The following STAG1 variants were observed in gnomAD, a reference collection of about 807,000 sequenced individuals.
STAG1 encodes STAG1 cohesin complex component.
STAG1 carries 26 observed loss-of-function variants against 170.9 expected under a neutral mutation model. That is an observed-to-expected ratio of 0.15 (90% CI 0.11 to 0.21). STAG1 has a LOEUF of 0.21. Among genes scored for constraint, STAG1 ranks in the 10% least tolerant of loss-of-function variants. The probability of loss-of-function intolerance (pLI) is 1.00; values close to 1 mark genes in which losing one functional copy is unlikely to be tolerated. For synonymous variants in STAG1, 514 were observed against 497.7 expected (o/e 1.03, Z -0.44); for missense variants, 964 against 1,509.5 (o/e 0.64, Z 5.99).
intron 1 of STAG1, among the ~76,000 whole-genome samples, chr3:136,740,096 T>G (rs1419927936): frequency 6.6e-6 from 1 of 151,570 alleles, no homozygotes; most frequent in African/African-American, 2.4e-5. Flanking sequence ...AATAACAGTT[T>G]AAAGAATTTT....
At chr3:136,343,772 TTAAA>T (rs1560045635) in intron 30 of STAG1, 56 bp downstream of exon 30, 2 of 1,382,322 alleles carry the variant, frequency 1.4e-6, no homozygotes, top group Non-Finnish European at 9.7e-7. Context: ...AAAGTTTTTC[TTAAA>T]TAGTTTTACT....
chr3:136,465,586 A>AAAAG (rs58484192), intron 12 of STAG1, among the ~76,000 whole-genome samples: 2 of 137,116 alleles, frequency 1.5e-5, no homozygotes, highest in African/African-American at 5.2e-5. Flanking sequence ...AAAAAAAAAA[A>AAAAG]GGGAAAAGGA....
At chr3:136,378,438 A>C (rs1487086981) in intron 22 of STAG1, among the ~76,000 whole-genome samples, 1 of 152,214 alleles carries the variant, frequency 6.6e-6, no homozygotes, top group African/African-American at 2.4e-5. Context: ...CATGCCTGCA[A>C]TCCCAGTGCT....
chr3:136,353,109 G>A (rs1936498309), intron 28 of STAG1, among the ~76,000 whole-genome samples: 3 of 152,074 alleles, frequency 2.0e-5, no homozygotes, highest in Admixed American at 2.0e-4. Context: ...GTAGATTTGA[G>A]CTGACAAAAG....
At chr3:136,472,637 TCCTACTCAC>T in intron 11 of STAG1, 145 bp from the exon 12 acceptor site, 1 of 541,486 alleles carries the variant, frequency 1.8e-6, no homozygotes, top group East Asian at 2.9e-5. Flanking sequence ...AGTATTGTAG[TCCTACTCAC>T]ACAAAGGGGA....
At chr3:136,723,973 G>GGAGGT (rs780773895) in intron 1 of STAG1, among the ~76,000 whole-genome samples, 8 of 150,460 alleles carry the variant, frequency 5.3e-5, no homozygotes, top group African/African-American at 1.2e-4. Context: ...CGACCAGGAG[G>GGAGGT]GAGGTGGGGG....
chr3:136,361,751 C>T (rs967361927), intron 26 of STAG1, among the ~76,000 whole-genome samples: 10 of 152,160 alleles, frequency 6.6e-5, no homozygotes, highest in Admixed American at 4.6e-4. Context: ...GCTGGGACTA[C>T]GGGGTGCGTG....
intron 12 of STAG1, among the ~76,000 whole-genome samples, chr3:136,471,244 G>T (rs973401703): frequency 2.0e-5 from 3 of 151,888 alleles, no homozygotes; most frequent in Non-Finnish European, 4.4e-5. Flanking sequence ...AAAAAGATGA[G>T]AATTCCAGCA....
At chr3:136,463,711 C>T (rs1315287951) in intron 13 of STAG1, among the ~76,000 whole-genome samples, 1 of 127,928 alleles carries the variant, frequency 7.8e-6, no homozygotes, top group African/African-American at 3.5e-5. Flanking sequence ...GACCCCATCT[C>T]TCTAAAAAAA....
At chr3:136,344,646 C>A (rs1240792911) in intron 29 of STAG1, among the ~76,000 whole-genome samples, 1 of 152,212 alleles carries the variant, frequency 6.6e-6, no homozygotes, top group Admixed American at 6.5e-5. Flanking sequence ...CGGAGTCTCA[C>A]TCTGTCGCCC....
intron 6 of STAG1, among the ~76,000 whole-genome samples, chr3:136,526,703 T>C (rs911874569): frequency 6.6e-6 from 1 of 152,232 alleles, no homozygotes; most frequent in Non-Finnish European, 1.5e-5. Flanking sequence ...GTCTTTACAA[T>C]TTGGCATGTT....
intron 23 of STAG1, among the ~76,000 whole-genome samples, chr3:136,370,610 G>A (rs1039504617): frequency 2.0e-5 from 3 of 152,124 alleles, no homozygotes; most frequent in African/African-American, 7.2e-5. Flanking sequence ...AACACGCAGT[G>A]TTTGGTTTTT....
At chr3:136,393,171 T>A (rs1445377763) in intron 22 of STAG1, among the ~76,000 whole-genome samples, 1 of 152,118 alleles carries the variant, frequency 6.6e-6, no homozygotes, top group Non-Finnish European at 1.5e-5. Context: ...ATGACCAACA[T>A]TACAAATATT....
At chr3:136,485,030 C>A (rs1193663320) in intron 9 of STAG1, among the ~76,000 whole-genome samples, 1 of 152,196 alleles carries the variant, frequency 6.6e-6, no homozygotes, top group East Asian at 1.9e-4. Flanking sequence ...CAGAAATCAC[C>A]CGTCTTCTGC....
At chr3:136,485,863 G>A (rs76625954) in intron 9 of STAG1, among the ~76,000 whole-genome samples, 79 of 152,276 alleles carry the variant, frequency 5.2e-4, no homozygotes, top group Non-Finnish European at 9.9e-4. Flanking sequence ...ATTTTAGCCA[G>A]TGTCCACTGT....
intron 15 of STAG1, among the ~76,000 whole-genome samples, chr3:136,440,152 T>C (rs377762031): frequency 5.3e-5 from 8 of 152,184 alleles, no homozygotes; most frequent in East Asian, 1.9e-4. Context: ...TTTTTCTTTT[T>C]TTTGAGATGG....
At chr3:136,516,703 T>C (rs1486182095) in intron 7 of STAG1, among the ~76,000 whole-genome samples, 2 of 152,166 alleles carry the variant, frequency 1.3e-5, no homozygotes, top group Non-Finnish European at 2.9e-5. Context: ...TATTGGCAAA[T>C]ACTATTATCC....
intron 4 of STAG1, among the ~76,000 whole-genome samples, chr3:136,589,525 A>G (rs1938036248): frequency 6.6e-6 from 1 of 150,962 alleles, no homozygotes; most frequent in African/African-American, 2.4e-5. Context: ...CAAACAAAAA[A>G]CAAAAAATAG....
Position 136,393,428 on chromosome 3 carries a change from A to G in STAG1, c.2277+5321T>C, listed in dbSNP as rs541338522. 3.9e-5 allele frequency among the ~76,000 whole-genome samples: 6 copies of G among 152,152 alleles called. No homozygotes were observed. The South Asian group carries it at 1.2e-3, about 32-fold the overall frequency. On this transcript the variant is annotated intron_variant, in intron 22 of 33. Transcript: ENST00000383202. ...AGGCTGAGGCAGGAGAATCCTTTGAACCTGGGAGACGGAGCTTGCAGTGAG... is the reference window on the plus strand; with the variant it reads ...AGGCTGAGGCAGGAGAATCCTTTGAGCCTGGGAGACGGAGCTTGCAGTGAG...
Sources: gnomAD v4.1 joint callset for allele counts (sites outside exome capture counted in the v4.1 genomes callset) on GRCh38, gnomAD v4.1.1 for gene constraint, MANE v1.5 for transcripts, NCBI Gene and HGNC (gene_info 2026-07-23, HGNC 2026-07-21) for gene names.